The following PCBP3 variants were observed in gnomAD, a reference collection of about 807,000 sequenced individuals.
PCBP3 encodes the protein poly(rC) binding protein 3.
PCBP3 carries 25 observed loss-of-function variants against 52.7 expected under a neutral mutation model. The observed-to-expected ratio is 0.47, with a 90% CI of 0.35 to 0.66. The LOEUF (loss-of-function observed/expected upper bound fraction) is 0.66. Ranked by LOEUF, PCBP3 falls within the 30% of genes least tolerant of loss-of-function variation. PCBP3 has a pLI of 0.01. For missense variants in PCBP3, 391 were observed against 490.3 expected (o/e 0.80, Z 1.91); for synonymous variants, 162 against 183.0 (o/e 0.89, Z 0.93).
intron 2 of PCBP3, among the ~76,000 whole-genome samples, chr21:45,729,950 G>T (rs2085334182): frequency 6.6e-6 from 1 of 152,010 alleles, no homozygotes; most frequent in Admixed American, 6.6e-5. Flanking sequence ...TTTTTGTAGA[G>T]AGTAGGTCTT....
chr21:45,891,301 A>T (rs1007855372), intron 5 of PCBP3, among the ~76,000 whole-genome samples: 1 of 152,220 alleles, frequency 6.6e-6, no homozygotes, highest in Admixed American at 6.5e-5. Context: ...CTGTGCACAA[A>T]TGTCTAAAGC....
At chr21:45,875,533 G>A (rs1158083670) in intron 5 of PCBP3, among the ~76,000 whole-genome samples, 2 of 152,206 alleles carry the variant, frequency 1.3e-5, no homozygotes. Context: ...GAGTCAGTTG[G>A]GGCCACTCTG....
chr21:45,884,360 G>T (rs959001741), intron 5 of PCBP3, among the ~76,000 whole-genome samples: 1 of 151,946 alleles, frequency 6.6e-6, no homozygotes, highest in African/African-American at 2.4e-5. Flanking sequence ...GTATATATCT[G>T]TATGGCTTTC....
intron 1 of PCBP3, among the ~76,000 whole-genome samples, chr21:45,663,830 T>G (rs1195016355): frequency 6.6e-6 from 1 of 152,112 alleles, no homozygotes; most frequent in Admixed American, 6.6e-5. Flanking sequence ...CCTTGTTCTT[T>G]TTGATTTGGT....
At chr21:45,835,464 C>CCGGCCG (rs2093562068) in intron 4 of PCBP3, among the ~76,000 whole-genome samples, 1 of 152,198 alleles carries the variant, frequency 6.6e-6, no homozygotes, top group African/African-American at 2.4e-5. Flanking sequence ...CCGTCAGCTC[C>CCGGCCG]TGGCCGCAGC....
At chr21:45,694,623 A>C (rs575640293) in intron 2 of PCBP3, among the ~76,000 whole-genome samples, 1 of 152,352 alleles carries the variant, frequency 6.6e-6, no homozygotes, top group East Asian at 1.9e-4. Flanking sequence ...CATAGTTGAA[A>C]ACTTTACATG....
chr21:45,780,637 C>T (rs535073418), intron 4 of PCBP3, among the ~76,000 whole-genome samples: 11 of 152,150 alleles, frequency 7.2e-5, no homozygotes, highest in South Asian at 2.1e-4. Context: ...GTGTGTGGCT[C>T]GGGTGAAACA....
At chr21:45,898,430 G>A (rs866951481) in intron 6 of PCBP3, among the ~76,000 whole-genome samples, 7 of 146,678 alleles carry the variant, frequency 4.8e-5, no homozygotes, top group African/African-American at 1.5e-4. Flanking sequence ...TCTGCACACC[G>A]TCCTCACAGC....
chr21:45,901,744 A>AGAGACAGAGAGATG (rs1569474835), intron 9 of PCBP3, among the ~76,000 whole-genome samples: 1 of 86,758 alleles, frequency 1.2e-5, no homozygotes. Context: ...GAGAGACAGA[A>AGAGACAGAGAGATG]AGAGAGAGAG....
chr21:45,852,374 A>C (rs1201774993), intron 5 of PCBP3, among the ~76,000 whole-genome samples: 9 of 122,858 alleles, frequency 7.3e-5, no homozygotes, highest in African/African-American at 1.8e-4. Flanking sequence ...GTTCAGAAGG[A>C]ACACAGCCCT....
intron 13 of PCBP3, among the ~76,000 whole-genome samples, chr21:45,921,450 G>A (rs1010753958): frequency 1.3e-5 from 2 of 152,152 alleles, no homozygotes; most frequent in Admixed American, 1.3e-4. Flanking sequence ...ACTAAAATAT[G>A]CATGTGTTTT....
intron 13 of PCBP3, 152 bp from the exon 14 acceptor site, chr21:45,929,765 G>A: frequency 3.1e-6 from 2 of 649,308 alleles, no homozygotes; most frequent in Non-Finnish European, 5.6e-6. Context: ...CTTCCCCCAG[G>A]CCAAGTCCTT....
At chr21:45,660,950 A>T (rs2080350983) in intron 1 of PCBP3, among the ~76,000 whole-genome samples, 2 of 152,140 alleles carry the variant, frequency 1.3e-5, no homozygotes, top group Non-Finnish European at 2.9e-5. Context: ...CTGAGACAGG[A>T]GAATTGCTTG....
At position 45,928,124 on chromosome 21, in the gene PCBP3, C is replaced by T. The variant is rs565612917; in HGVS notation, c.718-1793C>T. On this transcript the variant is annotated intron_variant, in intron 13 of 17. Coordinates refer to ENST00000681687, the MANE Select transcript of PCBP3 (RefSeq NM_001384156.1). This position sits in a 1 kb window ranked among gnomAD's most constrained non-coding sequence, Gnocchi z 4.1. ...GGCGCCTTCACTAGGACCCCAGATG[C>T]GCCTGCTTCCTCCTCCTGCCCCCGC... Among the ~76,000 whole-genome samples the T allele has an allele frequency of 8.5e-5, 13 of 152,286 alleles. No homozygotes were observed. In the East Asian group the frequency reaches 9.6e-4, roughly 11 times the overall value.
chr21:45,868,684 A>G (rs1372517462), intron 5 of PCBP3, among the ~76,000 whole-genome samples: 3 of 151,982 alleles, frequency 2.0e-5, no homozygotes, highest in Admixed American at 6.5e-5. Context: ...TTCCAGAAAC[A>G]TTGTCCACAT....
intron 11 of PCBP3, 139 bp downstream of exon 11, chr21:45,911,169 C>A: frequency 1.0e-6 from 1 of 989,860 alleles, no homozygotes; most frequent in Non-Finnish European, 1.6e-6. Flanking sequence ...CCCAAGTCAG[C>A]CTGAGCGAGA....
chr21:45,859,536 TG>T (rs2094435226), intron 5 of PCBP3, among the ~76,000 whole-genome samples: 1 of 152,220 alleles, frequency 6.6e-6, no homozygotes, highest in Admixed American at 6.5e-5. Flanking sequence ...GGCCTTCCAC[TG>T]GCTGCCAGCC....
At chr21:45,918,257 C>G (rs1365979822) in intron 13 of PCBP3, 1 of 155,794 alleles carries the variant, frequency 6.4e-6, no homozygotes, top group African/African-American at 2.4e-5. Context: ...GGGGCTCCGA[C>G]ACCTCTTTTC....
At chr21:45,785,539 G>A (rs1294301505) in intron 4 of PCBP3, among the ~76,000 whole-genome samples, 2 of 148,818 alleles carry the variant, frequency 1.3e-5, no homozygotes, top group Admixed American at 6.6e-5. Flanking sequence ...CCGGCCAGCC[G>A]CCCCATCCGG....
Sources: allele counts gnomAD v4.1 joint callset (sites outside exome capture counted in the v4.1 genomes callset), GRCh38; gene constraint gnomAD v4.1.1; non-coding constraint Gnocchi (gnomAD v3.1); transcripts MANE v1.5; gene names NCBI Gene and HGNC (gene_info 2026-07-23, HGNC 2026-07-21).